Variants in AK5 observed in about 807,000 individuals in gnomAD.
AK5 encodes adenylate kinase isoenzyme 5.
AK5 carries 27 observed loss-of-function variants against 69.5 expected under a neutral mutation model. The ratio of observed to expected loss-of-function variants is 0.39; its 90% CI spans 0.29 to 0.54. AK5 has a LOEUF of 0.54. Among genes scored for constraint, AK5 ranks in the 20% least tolerant of loss-of-function variants. The pLI is 0.71. For missense variants in AK5, 531 were observed against 700.4 expected, an observed-to-expected ratio of 0.76 and a Z score of 2.73; for synonymous variants, 260 against 244.4, an observed-to-expected ratio of 1.06 and a Z score of -0.60.
intron 6 of AK5, among the ~76,000 whole-genome samples, chr1:77,356,068 G>A (rs761048800): frequency 6.6e-6 from 1 of 152,106 alleles, no homozygotes; most frequent in Non-Finnish European, 1.5e-5. Context: ...TTAAATTGCT[G>A]TAAACATGCT....
intron 6 of AK5, among the ~76,000 whole-genome samples, chr1:77,354,863 A>C (rs1238315591): frequency 6.6e-6 from 1 of 152,230 alleles, no homozygotes; most frequent in Non-Finnish European, 1.5e-5. Flanking sequence ...TAGAAGTAAT[A>C]GATTTTTTTG....
chr1:77,409,485 T>A (rs1649889934), intron 6 of AK5, among the ~76,000 whole-genome samples: 1 of 152,204 alleles, frequency 6.6e-6, no homozygotes, highest in Non-Finnish European at 1.5e-5. Flanking sequence ...TCTCTAATGA[T>A]CAGTGATATT....
chr1:77,536,041 G>A lies in AK5; in HGVS notation c.1620+3G>A, dbSNP rs546493955. 228 of 1,603,430 alleles carry A rather than the reference G, an allele frequency of 1.4e-4. 5 individuals carry two copies. In the South Asian group the frequency reaches 2.3e-3, roughly 16 times the overall value. On this transcript the variant is annotated splice_donor_region_variant and intron_variant, in intron 13 of 13. Transcript: ENST00000354567. ...AGACAAAAACACAGCTACACAAGGC[G>A]AGTCACTTCACTTTCTCCTCTGAAA...
At chr1:77,497,477 G>C (rs765798387) in intron 10 of AK5, among the ~76,000 whole-genome samples, 8 of 152,224 alleles carry the variant, frequency 5.3e-5, no homozygotes, top group Admixed American at 4.6e-4. Context: ...CTTCATTCTT[G>C]AAGTCAGTGA....
intron 10 of AK5, among the ~76,000 whole-genome samples, chr1:77,487,203 A>T (rs375074171): frequency 7.9e-5 from 12 of 152,334 alleles, no homozygotes; most frequent in African/African-American, 2.9e-4. Context: ...ATCCTTATAC[A>T]ATCCCATTAC....
At chr1:77,411,401 C>T (rs1309806780) in intron 7 of AK5, among the ~76,000 whole-genome samples, 1 of 152,076 alleles carries the variant, frequency 6.6e-6, no homozygotes, top group Non-Finnish European at 1.5e-5. Context: ...ATCTCCAGGA[C>T]CCCCTAACTC....
chr1:77,292,368 G>C (rs1417641986), intron 2 of AK5, among the ~76,000 whole-genome samples: 1 of 152,054 alleles, frequency 6.6e-6, no homozygotes, highest in Non-Finnish European at 1.5e-5. Flanking sequence ...GAATCTAGTG[G>C]GTCTGTGGTC....
chr1:77,287,290 A>G (rs1414757476), intron 2 of AK5, among the ~76,000 whole-genome samples, 163 bp downstream of exon 2: 1 of 152,238 alleles, frequency 6.6e-6, no homozygotes, highest in African/African-American at 2.4e-5. Flanking sequence ...AATCACTTCC[A>G]TAAAAAGACA....
At chr1:77,449,767 G>A (rs936689316) in intron 8 of AK5, among the ~76,000 whole-genome samples, 1 of 152,056 alleles carries the variant, frequency 6.6e-6, no homozygotes, top group Non-Finnish European at 1.5e-5. Context: ...TCATGGGAGG[G>A]GTTGACATGC....
intron 6 of AK5, among the ~76,000 whole-genome samples, chr1:77,407,392 C>T (rs1649729743): frequency 6.6e-6 from 1 of 151,902 alleles, no homozygotes; most frequent in South Asian, 2.1e-4. Context: ...TGAAAGAACC[C>T]AGACAAAAAT....
intron 5 of AK5, among the ~76,000 whole-genome samples, chr1:77,321,358 A>G (rs762290312): frequency 1.3e-5 from 2 of 152,054 alleles, no homozygotes; most frequent in Non-Finnish European, 2.9e-5. Context: ...AGTCCCAGCT[A>G]CTCAGGAAGC....
intron 9 of AK5, among the ~76,000 whole-genome samples, chr1:77,485,662 TA>T (rs1484731960): frequency 3.3e-5 from 5 of 152,240 alleles, no homozygotes; most frequent in African/African-American, 1.2e-4. Context: ...GCAAATGTTT[TA>T]AATGTGAAAT....
chr1:77,340,695 G>A (rs1661610748), intron 6 of AK5, 127 bp downstream of exon 6: 2 of 625,374 alleles, frequency 3.2e-6, no homozygotes, highest in African/African-American at 1.9e-5. Flanking sequence ...AGAACCAATG[G>A]AAAAAAATGT....
At chr1:77,437,887 C>T (rs1050957319) in intron 8 of AK5, among the ~76,000 whole-genome samples, 2 of 152,034 alleles carry the variant, frequency 1.3e-5, no homozygotes, top group Non-Finnish European at 2.9e-5. Context: ...CTCAAGATTT[C>T]GACCTGTTTG....
intron 8 of AK5, among the ~76,000 whole-genome samples, chr1:77,452,336 A>G (rs1180579663): frequency 9.2e-5 from 14 of 152,244 alleles, no homozygotes. Context: ...CTGTGGAATT[A>G]TGAAGAAAAA....
intron 6 of AK5, among the ~76,000 whole-genome samples, chr1:77,358,809 T>C (rs897993658): frequency 2.1e-3 from 97 of 46,008 alleles, no homozygotes; most frequent in Admixed American, 4.3e-3. Context: ...GTAAGTTTCC[T>C]ATCCCCTGAA....
At chr1:77,376,023 G>A (rs933701867) in intron 6 of AK5, among the ~76,000 whole-genome samples, 4 of 152,158 alleles carry the variant, frequency 2.6e-5, no homozygotes, top group African/African-American at 9.7e-5. Context: ...TTAGAGATTG[G>A]TGTAGTAGCT....
intron 5 of AK5, among the ~76,000 whole-genome samples, chr1:77,336,581 A>C (rs1411222810): frequency 6.6e-6 from 1 of 152,192 alleles, no homozygotes; most frequent in Non-Finnish European, 1.5e-5. Context: ...CTTAGGATAA[A>C]AGTAGCTTAC....
chr1:77,416,630 A>G (rs1650446093), intron 7 of AK5, among the ~76,000 whole-genome samples: 1 of 152,196 alleles, frequency 6.6e-6, no homozygotes, highest in African/African-American at 2.4e-5. Context: ...AAGAGAAGAG[A>G]TGAGAGAAGA....
Sources: gnomAD v4.1 joint callset for allele counts (sites outside exome capture counted in the v4.1 genomes callset) on GRCh38, gnomAD v4.1.1 for gene constraint, MANE v1.5 for transcripts, NCBI Gene and HGNC (gene_info 2026-07-23, HGNC 2026-07-21) for gene names.